The following RIC8B variants were observed in gnomAD, a reference collection of about 807,000 sequenced individuals.
RIC8B encodes RIC8 guanine nucleotide exchange factor B, also known as chaperone Ric-8B.
Under a neutral mutation model 57.5 loss-of-function variants are expected in RIC8B, and 16 were observed. That is an observed-to-expected ratio of 0.28 (90% confidence interval 0.19 to 0.42). RIC8B has a LOEUF of 0.42. Among genes scored for constraint, RIC8B ranks in the 10% least tolerant of loss-of-function variants. The probability of loss-of-function intolerance (pLI) is 1.00; values close to 1 mark genes in which losing one functional copy is unlikely to be tolerated. For missense variants in RIC8B, 481 were observed against 677.0 expected (o/e 0.71, Z 3.21); for synonymous variants, 216 against 250.8 (o/e 0.86, Z 1.31).
intron 4 of RIC8B, among the ~76,000 whole-genome samples, chr12:106,828,738 T>C (rs1265428191): frequency 1.3e-5 from 2 of 152,260 alleles, no homozygotes; most frequent in Admixed American, 1.3e-4. Context: ...CTTCTATTAG[T>C]ATTATGATAA....
At chr12:106,833,516 G>A (rs1201047302) in intron 4 of RIC8B, among the ~76,000 whole-genome samples, 1 of 152,030 alleles carries the variant, frequency 6.6e-6, no homozygotes, top group Non-Finnish European at 1.5e-5. Context: ...CAGGAGAATC[G>A]TTTGAACCTG....
chr12:106,820,781 AAG>A (rs1424314298), intron 3 of RIC8B, among the ~76,000 whole-genome samples: 2 of 152,244 alleles, frequency 1.3e-5, no homozygotes, highest in African/African-American at 4.8e-5. Flanking sequence ...GCTTATTTTA[AAG>A]ACTTTGAAGG....
chr12:106,788,878 C>T (rs1482116740), intron 2 of RIC8B, among the ~76,000 whole-genome samples: 1 of 152,214 alleles, frequency 6.6e-6, no homozygotes, highest in Non-Finnish European at 1.5e-5. Flanking sequence ...TAACATTTGG[C>T]TCCTCATTAG....
intron 1 of RIC8B, among the ~76,000 whole-genome samples, chr12:106,779,585 T>A (rs2043655344): frequency 6.6e-6 from 1 of 150,766 alleles, no homozygotes; most frequent in South Asian, 2.1e-4. Flanking sequence ...ACAATGTGAA[T>A]GGTATACAAA....
chr12:106,861,518 T>A (rs899596660), intron 8 of RIC8B, among the ~76,000 whole-genome samples: 2 of 151,972 alleles, frequency 1.3e-5, no homozygotes, highest in Middle Eastern at 6.8e-3. Flanking sequence ...TCTTATAGAG[T>A]GTGTCCTAGA....
At chr12:106,869,152 C>G (rs1371170911) in intron 8 of RIC8B, among the ~76,000 whole-genome samples, 2 of 152,076 alleles carry the variant, frequency 1.3e-5, no homozygotes, top group Non-Finnish European at 2.9e-5. Context: ...AAACATGACT[C>G]TAGATGTAGG....
chr12:106,851,574 T>C lies in RIC8B; in HGVS notation c.1286T>C (p.Phe429Ser). Residue 429 changes from phenylalanine to serine, a missense_variant, in exon 7 of 10, where the codon TTT becomes TCT. Phe to Ser is a radical substitution (Grantham distance 155, BLOSUM62 -2). This residue lies in a region of RIC8B where 421 missense variants were observed against 560.9 expected (regional missense o/e 0.75). Coordinates refer to ENST00000392837, the MANE Select transcript of RIC8B (RefSeq NM_001330145.2). ...GVKQIAAEFL[F>S]VLCKERVDSL... The stretch of plus-strand genomic sequence containing the variant: ...AAGCAAATTGCTGCTGAATTCCTTT[T>C]TGTCCTTTGCAAAGAGAGAGGTAGG... The C allele has an allele frequency of 6.2e-7, 1 of 1,612,750 alleles. No individual in the cohort carries two copies. The highest frequency in any genetic ancestry group is 8.5e-7 in the Non-Finnish European group (1 of 1,179,938).
At chr12:106,872,305 G>A (rs1950466738) in intron 9 of RIC8B, among the ~76,000 whole-genome samples, 1 of 152,198 alleles carries the variant, frequency 6.6e-6, no homozygotes, top group South Asian at 2.1e-4. Context: ...TAAGATGTGT[G>A]CTTGGCCACT....
intron 2 of RIC8B, among the ~76,000 whole-genome samples, chr12:106,803,117 C>T (rs1259294501): frequency 6.9e-6 from 1 of 144,578 alleles, no homozygotes; most frequent in African/African-American, 2.6e-5. Flanking sequence ...GAGGGTGAGG[C>T]AGGAGGATCC....
At chr12:106,806,659 G>A (rs935868769) in intron 2 of RIC8B, among the ~76,000 whole-genome samples, 16 of 151,996 alleles carry the variant, frequency 1.1e-4, no homozygotes, top group Admixed American at 9.2e-4. Context: ...GTGAAACCCC[G>A]TCTCTACTAA....
chr12:106,878,010 T>C (rs1950744740), intron 9 of RIC8B, among the ~76,000 whole-genome samples: 1 of 152,132 alleles, frequency 6.6e-6, no homozygotes, highest in Non-Finnish European at 1.5e-5. Flanking sequence ...TTGTCTTGGG[T>C]AACAATATTT....
intron 4 of RIC8B, among the ~76,000 whole-genome samples, chr12:106,831,495 A>C (rs2046351320): frequency 6.6e-6 from 1 of 152,180 alleles, no homozygotes. Flanking sequence ...CCTTGTCCTC[A>C]GAAGATAACA....
intron 2 of RIC8B, among the ~76,000 whole-genome samples, chr12:106,810,549 G>C (rs2045292448): frequency 6.6e-6 from 1 of 152,150 alleles, no homozygotes; most frequent in African/African-American, 2.4e-5. Context: ...GGCTGAAGTG[G>C]TTAGGGAAAA....
At chr12:106,880,528 A>G (rs1275677972) in intron 9 of RIC8B, among the ~76,000 whole-genome samples, 13 of 152,118 alleles carry the variant, frequency 8.5e-5, no homozygotes, top group Admixed American at 8.5e-4. Flanking sequence ...TGAGACTAGA[A>G]TCTAGGTCTT....
chr12:106,866,949 C>T (rs915440272), intron 8 of RIC8B, among the ~76,000 whole-genome samples: 1 of 152,168 alleles, frequency 6.6e-6, no homozygotes, highest in Non-Finnish European at 1.5e-5. Flanking sequence ...TTTGGTTTGA[C>T]AGATTATCCT....
At chr12:106,859,039 C>CT (rs1949823240) in intron 7 of RIC8B, among the ~76,000 whole-genome samples, 1 of 151,938 alleles carries the variant, frequency 6.6e-6, no homozygotes, top group Non-Finnish European at 1.5e-5. Context: ...TCTATTTTGT[C>CT]TTTTTTGAGG....
In RIC8B at chr12:106,885,977, T is replaced by C; in HGVS notation, c.1645T>C (p.Tyr549His). 6.2e-7 allele frequency: 1 copy of C among 1,613,842 alleles called. No individual in the cohort carries two copies. Among genetic ancestry groups the C allele is most frequent in the South Asian group, 1.1e-5 (1 of 91,078 alleles). Residue 549 changes from tyrosine (Y) to histidine (H), a missense_variant, in exon 10 of 10, where the codon TAC (tyrosine) becomes CAC (histidine). Tyr to His is a moderately conservative substitution (Grantham distance 83). This residue lies in a region of RIC8B where 17 missense variants were observed against 16.3 expected (regional missense o/e 1.05). Transcript: ENST00000392837. ...ITPLEEALNQYSVIEETSSDT... is the reference protein window; with the variant it reads ...ITPLEEALNQHSVIEETSSDT... ...GCCTTTGGAGGAAGCACTCAACCAG[T>C]ACTCTGTCATCGAAGAGACCAGCTC...
chr12:106,791,525 C>T (rs1185010586), intron 2 of RIC8B, among the ~76,000 whole-genome samples: 2 of 152,140 alleles, frequency 1.3e-5, no homozygotes, highest in Non-Finnish European at 2.9e-5. Context: ...GCAGTATTAT[C>T]GGCAGAGCCA....
At chr12:106,793,594 T>G (rs1593110441) in intron 2 of RIC8B, among the ~76,000 whole-genome samples, 1 of 152,212 alleles carries the variant, frequency 6.6e-6, no homozygotes, top group East Asian at 1.9e-4. Flanking sequence ...TGTGGAGCAA[T>G]TTTTGCCCCA....
Sources: gnomAD v4.1 joint callset for allele counts (sites outside exome capture counted in the v4.1 genomes callset) on GRCh38, gnomAD v4.1.1 for gene constraint, gnomAD v4.1.1 regional missense constraint, MANE v1.5 for transcripts, NCBI Gene and HGNC (gene_info 2026-07-23, HGNC 2026-07-21) for gene names.